CBLN2: variants seen among roughly 807,000 people sequenced by gnomAD.
The protein encoded by CBLN2 is cerebellin-2.
Under a neutral mutation model 15.0 loss-of-function variants are expected in CBLN2, and 7 were observed. The ratio of observed to expected loss-of-function variants is 0.47; its 90% CI spans 0.27 to 0.88. The LOEUF (loss-of-function observed/expected upper bound fraction) is 0.88, where lower values mean the gene tolerates loss of function less well. CBLN2 is among the 40% of genes least tolerant of loss of function. The probability of loss-of-function intolerance (pLI) is 0.14; values close to 1 mark genes in which losing one functional copy is unlikely to be tolerated. For synonymous variants in CBLN2, 149 were observed against 135.2 expected, an observed-to-expected ratio of 1.10 and a Z score of -0.71; for missense variants, 242 against 304.5, an observed-to-expected ratio of 0.79 and a Z score of 1.53.
intron 1 of CBLN2, among the ~76,000 whole-genome samples, chr18:72,611,729 A>C (rs1034192125): frequency 6.6e-6 from 1 of 152,172 alleles, no homozygotes; most frequent in Admixed American, 6.5e-5. Flanking sequence ...TTTGCTGGGC[A>C]GAAGCTCTTT....
chr18:72,612,275 A>G (rs749046043), intron 1 of CBLN2, among the ~76,000 whole-genome samples: 1 of 152,170 alleles, frequency 6.6e-6, no homozygotes, highest in Non-Finnish European at 1.5e-5. Context: ...TAGTTTGAAA[A>G]ATGACATTAA....
chr18:72,545,993 T>G (rs1401320863), upstream of CBLN2, among the ~76,000 whole-genome samples: 1 of 152,244 alleles, frequency 6.6e-6, no homozygotes, highest in Non-Finnish European at 1.5e-5. Flanking sequence ...TTGGACTAAG[T>G]TATTGAAAAA....
At chr18:72,566,510 T>C (rs1470900783) in intron 1 of CBLN2, among the ~76,000 whole-genome samples, 1 of 152,148 alleles carries the variant, frequency 6.6e-6, no homozygotes, top group African/African-American at 2.4e-5. Flanking sequence ...TGTGACAACA[T>C]GGATAAGCCT....
At chr18:72,584,158 CA>C (rs2069425410) in intron 1 of CBLN2, among the ~76,000 whole-genome samples, 1 of 152,106 alleles carries the variant, frequency 6.6e-6, no homozygotes, top group African/African-American at 2.4e-5. Context: ...TGCACATAGT[CA>C]CAGTTGCTGC....
At chr18:72,615,712 C>G (rs2069657096) in intron 1 of CBLN2, among the ~76,000 whole-genome samples, 1 of 152,052 alleles carries the variant, frequency 6.6e-6, no homozygotes, top group Admixed American at 6.6e-5. Flanking sequence ...TTATGATTGT[C>G]TATGAAGCGT....
chr18:72,590,831 A>C (rs1425541664), intron 1 of CBLN2, among the ~76,000 whole-genome samples: 1 of 152,246 alleles, frequency 6.6e-6, no homozygotes, highest in Non-Finnish European at 1.5e-5. Flanking sequence ...CAAGTCATAG[A>C]ATACTAAATG....
chr18:72,567,596 G>A (rs1478261940), intron 1 of CBLN2, among the ~76,000 whole-genome samples: 1 of 152,182 alleles, frequency 6.6e-6, no homozygotes, highest in Admixed American at 6.5e-5. Context: ...ACATAGACAA[G>A]TCAATTTCAG....
chr18:72,575,298 A>G (rs1314694656), intron 1 of CBLN2, among the ~76,000 whole-genome samples: 7 of 152,104 alleles, frequency 4.6e-5, no homozygotes, highest in Non-Finnish European at 1.5e-5. Context: ...TCATCAGAAG[A>G]GAGGATTTTA....
chr18:72,609,333 TA>T lies in CBLN2; in HGVS notation c.15+28991del, dbSNP rs2069605419. On this transcript the variant is annotated intron_variant, in intron 1 of 2. Coordinates refer to the CBLN2 transcript ENST00000581073. ...ATATAATTGTGGTAAAATGAGGTTA[TA>T]GGGGTGGTCACTAAAGCAACATGAC... Among the ~76,000 whole-genome samples the T allele has an allele frequency of 2.6e-5, 4 of 152,210 alleles. No homozygotes were observed. In the South Asian group the frequency reaches 8.3e-4, roughly 32 times the overall value.
At position 72,544,311 on chromosome 18, in the gene CBLN2, G is replaced by A. The variant is rs2069142031; in HGVS notation, c.-546C>T. On this transcript the variant is annotated 5_prime_UTR_variant, in exon 1 of 5. Coordinates refer to ENST00000269503, the MANE Select transcript of CBLN2 (RefSeq NM_182511.4). Reference sequence around the variant, plus strand: ...GCTAGAAGAGGGGCCTCCGGCCCGGGTCTGTGTGTCTGCTCCTCTGGACCT... The same window carrying A: ...GCTAGAAGAGGGGCCTCCGGCCCGGATCTGTGTGTCTGCTCCTCTGGACCT... The A allele has an allele frequency of 6.6e-6, 1 of 152,294 alleles. No individual in the cohort carries two copies. Among genetic ancestry groups the A allele is most frequent in the Non-Finnish European group, 1.5e-5 (1 of 68,096 alleles). The allele number at this position is 152,294 out of a possible 1,614,324, so 9.4% of individuals were successfully genotyped here.
chr18:72,630,281 C>T (rs1232408403), intron 1 of CBLN2, among the ~76,000 whole-genome samples: 1 of 152,088 alleles, frequency 6.6e-6, no homozygotes, highest in African/African-American at 2.4e-5. Context: ...AGGATTCATG[C>T]ATGAAAACCC....
chr18:72,625,818 C>CTATATATATATA (rs56391046), intron 1 of CBLN2, among the ~76,000 whole-genome samples: 10 of 57,380 alleles, frequency 1.7e-4, no homozygotes, highest in East Asian at 5.6e-4. Context: ...CTCTCTCTCT[C>CTATATATATATA]TATATATATA....
At chr18:72,580,428 G>C (rs564215834) in intron 1 of CBLN2, among the ~76,000 whole-genome samples, 1 of 152,184 alleles carries the variant, frequency 6.6e-6, no homozygotes, top group African/African-American at 2.4e-5. Flanking sequence ...ACCCTCAGAG[G>C]TTTGTTTCTA....
intron 1 of CBLN2, among the ~76,000 whole-genome samples, chr18:72,623,246 A>C (rs553857854): frequency 7.2e-5 from 11 of 152,258 alleles, no homozygotes; most frequent in African/African-American, 2.6e-4. Flanking sequence ...ATTTGACATG[A>C]GACTTGGATG....
chr18:72,588,435 T>C (rs566279347), intron 1 of CBLN2, among the ~76,000 whole-genome samples: 2 of 152,226 alleles, frequency 1.3e-5, no homozygotes, highest in South Asian at 4.1e-4. Flanking sequence ...TCAGTGGCAT[T>C]TCGTACATTC....
chr18:72,549,488 C>T (rs2069178722), intron 1 of CBLN2, among the ~76,000 whole-genome samples: 1 of 152,126 alleles, frequency 6.6e-6, no homozygotes, highest in African/African-American at 2.4e-5. Context: ...ATGTTAAACT[C>T]ACATCAGAAA....
At position 72,542,216 on chromosome 18, in the gene CBLN2, G is replaced by T. The variant is rs941938305; in HGVS notation, c.-56C>A. On this transcript the variant is annotated 5_prime_UTR_variant, in exon 3 of 5. Transcript: ENST00000269503. ...GGAGGCCGGCGCCGGCGCGAGCGGC[G>T]CGGAAGGGCGCGAAGGAACGCGCGG... 8.9e-7 allele frequency: 1 copy of T among 1,127,520 alleles called. No individual in the cohort carries two copies. The highest frequency in any genetic ancestry group is 1.1e-6 in the Non-Finnish European group (1 of 911,992). 69.8% of individuals were successfully genotyped at this position (1,127,520 alleles called of 1,614,324 possible).
intron 1 of CBLN2, among the ~76,000 whole-genome samples, chr18:72,579,227 C>T (rs1216223484): frequency 2.0e-5 from 3 of 152,150 alleles, no homozygotes; most frequent in Admixed American, 6.6e-5. Flanking sequence ...ATCACTCTGA[C>T]ATGAATAAGA....
chr18:72,618,873 CG>C (rs2069680702), intron 1 of CBLN2: 1 of 727,242 alleles, frequency 1.4e-6, no homozygotes, highest in East Asian at 2.6e-5. Context: ...GAAGCTTTAG[CG>C]GTGGTCATGG....
Sources: gnomAD v4.1 joint callset for allele counts (sites outside exome capture counted in the v4.1 genomes callset) on GRCh38, gnomAD v4.1.1 for gene constraint, MANE v1.5 for transcripts, NCBI Gene and HGNC (gene_info 2026-07-23, HGNC 2026-07-21) for gene names.